The following NUP210L variants were observed in gnomAD, a reference collection of about 807,000 sequenced individuals.
NUP210L encodes nuclear pore membrane glycoprotein 210-like.
In NUP210L, 74 loss-of-function variants were observed where a neutral mutation model predicts 208.5. That is an observed-to-expected ratio of 0.35 (90% CI 0.29 to 0.43). The LOEUF (loss-of-function observed/expected upper bound fraction) is 0.43, where lower values mean the gene tolerates loss of function less well. Among genes scored for constraint, NUP210L ranks in the 20% least tolerant of loss-of-function variants. The pLI, the probability that NUP210L is intolerant of heterozygous loss-of-function variation, is 1.00. For synonymous variants in NUP210L, 780 were observed against 816.9 expected (o/e 0.95, Z 0.77); for missense variants, 1,843 against 2,289.4 (o/e 0.81, Z 3.98).
rs919038709 is a variant in NUP210L, at chr1:154,058,646, A to G, written c.2898T>C (p.Leu966=). Reference sequence around the variant, plus strand: ...TTGCTGGACCCAAGAAAGCCAAACAAAGATCATAGACCTCCAAGGTAAAAA... The same window carrying G: ...TTGCTGGACCCAAGAAAGCCAAACAGAGATCATAGACCTCCAAGGTAAAAA... The change falls in exon 21 of 40, where the codon CTT becomes CTC. Residue 966 remains leucine (L), a synonymous_variant. Transcript: ENST00000368559. The G allele has an allele frequency of 3.7e-6, 6 of 1,613,938 alleles. No individual in the cohort carries two copies. In the Admixed American group the frequency reaches 1.0e-4, roughly 27 times the overall value.
In NUP210L at chr1:154,152,990, T is replaced by C. The variant is rs955151714; in HGVS notation, c.204-118A>G. On this transcript the variant is annotated intron_variant, in intron 1 of 39. Transcript: ENST00000368559. ...ACTACCAGGTATATGTAAATGACAC[T>C]TTTTAAAGAAGGAACATTGCTTAGG... is the stretch of plus-strand genomic sequence containing the variant. 17 of 825,482 alleles carry C rather than the reference T, an allele frequency of 2.1e-5. No individual in the cohort carries two copies. The Middle Eastern group carries it at 3.0e-3, about 147-fold the overall frequency. The allele number at this position is 825,482 out of a possible 1,614,324, so 51.1% of individuals were successfully genotyped here.
chr1:154,126,234 T>C (rs932072922), intron 10 of NUP210L, 89 bp downstream of exon 10: 1 of 1,053,674 alleles, frequency 9.5e-7, no homozygotes, highest in Non-Finnish European at 1.4e-6. Flanking sequence ...ATAAAGGTGG[T>C]ATATGCTATA....
At chr1:154,040,947 T>C (rs114977701) in intron 27 of NUP210L, among the ~76,000 whole-genome samples, 1,576 of 151,786 alleles carry the variant, frequency 0.01, 32 homozygotes, top group African/African-American at 0.036. Flanking sequence ...AGAATGGAAA[T>C]GGTGGAAGCA....
At chr1:154,134,858 C>G (rs1277484338) in intron 7 of NUP210L, among the ~76,000 whole-genome samples, 1 of 151,698 alleles carries the variant, frequency 6.6e-6, no homozygotes, top group African/African-American at 2.4e-5. Flanking sequence ...CTGCCTCAGC[C>G]TCCCGAGTAG....
intron 6 of NUP210L, among the ~76,000 whole-genome samples, chr1:154,136,987 A>G (rs952034640): frequency 3.3e-5 from 5 of 151,012 alleles, no homozygotes; most frequent in African/African-American, 1.2e-4. Flanking sequence ...CTTTCAGTCG[A>G]TGAATTGAGT....
rs182171188 is a variant in NUP210L at position 154,051,357 on chromosome 1, C to T, written c.3483+2871G>A. On this transcript the variant is annotated intron_variant, in intron 25 of 39. Transcript: ENST00000368559. Reference sequence around the variant, plus strand: ...CCCAAGTAGCTGGGACTACAGGCACCCGCTACCACACCCAGCTAATTTTTT... The same window carrying T: ...CCCAAGTAGCTGGGACTACAGGCACTCGCTACCACACCCAGCTAATTTTTT... Among the ~76,000 whole-genome samples the T allele has an allele frequency of 2.8e-3, 421 of 152,078 alleles. 5 individuals carry two copies. The highest frequency in any genetic ancestry group is 9.6e-3 in the African/African-American group (397 of 41,490).
intron 35 of NUP210L, among the ~76,000 whole-genome samples, chr1:154,009,389 A>G (rs1343453150): frequency 6.6e-6 from 1 of 152,110 alleles, no homozygotes; most frequent in African/African-American, 2.4e-5. Flanking sequence ...TGAAAGATAA[A>G]TGAGACACAA....
intron 16 of NUP210L, among the ~76,000 whole-genome samples, chr1:154,071,450 C>T (rs1184884440): frequency 6.6e-6 from 1 of 151,066 alleles, no homozygotes; most frequent in Non-Finnish European, 1.5e-5. Context: ...CCCCCTCCAC[C>T]TTTCCCCCGA....
intron 12 of NUP210L, among the ~76,000 whole-genome samples, chr1:154,108,075 T>A (rs12752900): frequency 6.6e-6 from 1 of 152,034 alleles, no homozygotes; most frequent in South Asian, 2.1e-4. Flanking sequence ...TAACAACTAT[T>A]CAAGACATAG....
At chr1:154,071,628 T>C (rs1654734925) in intron 16 of NUP210L, among the ~76,000 whole-genome samples, 2 of 88,846 alleles carry the variant, frequency 2.3e-5, no homozygotes, top group South Asian at 9.6e-4. Context: ...AATTCATTCC[T>C]TTTTTTTTTT....
chr1:154,013,070 CAA>C (rs745411682), intron 33 of NUP210L, among the ~76,000 whole-genome samples: 13 of 133,828 alleles, frequency 9.7e-5, no homozygotes, highest in Non-Finnish European at 9.7e-5. Flanking sequence ...AGCGAGACTC[CAA>C]AAAAAAAAAA....
rs768466463 is a variant in NUP210L at position 154,061,684 on chromosome 1, T to C, written c.2555-10A>G. On this transcript the variant is annotated splice_polypyrimidine_tract_variant and intron_variant, in intron 17 of 39. Transcript: ENST00000368559. ...TTAAGGATCTGATGACCTGGAAACA[T>C]GCAGAAAAATACCCTGTGAGAAACA... 2 of 1,500,158 alleles carry C rather than the reference T, an allele frequency of 1.3e-6. No individual in the cohort carries two copies. Among genetic ancestry groups the C allele is most frequent in the African/African-American group, 2.8e-5 (2 of 72,254 alleles). The allele number at this position is 1,500,158 out of a possible 1,614,324, so 92.9% of individuals were successfully genotyped here. A position where few individuals can be genotyped will look rare whatever the true frequency, so the allele number is the denominator to read the frequency against.
At chr1:154,125,969 C>T (rs900503812) in intron 10 of NUP210L, among the ~76,000 whole-genome samples, 1 of 150,564 alleles carries the variant, frequency 6.6e-6, no homozygotes, top group Non-Finnish European at 1.5e-5. Context: ...GGGGTTTCAC[C>T]GTTTTAGCCG....
intron 30 of NUP210L, among the ~76,000 whole-genome samples, chr1:154,024,922 G>GTTTTTT (rs71096508): frequency 1.3e-3 from 112 of 83,676 alleles, no homozygotes; most frequent in Non-Finnish European, 1.8e-3. Flanking sequence ...AGGCTGATCT[G>GTTTTTT]TTTTTTTTTT....
intron 7 of NUP210L, among the ~76,000 whole-genome samples, chr1:154,131,654 A>G (rs539158624): frequency 2.0e-5 from 3 of 152,210 alleles, no homozygotes; most frequent in African/African-American, 7.2e-5. Flanking sequence ...TGACAAAGTG[A>G]CCTAAGACCT....
chr1:153,999,310 A>G (rs372357342), intron 37 of NUP210L, among the ~76,000 whole-genome samples: 1 of 152,196 alleles, frequency 6.6e-6, no homozygotes, highest in East Asian at 1.9e-4. Flanking sequence ...ATCCTATCCA[A>G]TGTGGCATTA....
chr1:154,126,059 C>A (rs569155615), intron 10 of NUP210L, among the ~76,000 whole-genome samples: 1 of 151,938 alleles, frequency 6.6e-6, no homozygotes, highest in Non-Finnish European at 1.5e-5. Flanking sequence ...TGAGCCACCG[C>A]GCCCGGCCAA....
Position 154,112,793 on chromosome 1 carries a change from T to C in NUP210L, c.1620+4932A>G, listed in dbSNP as rs553018196. Reference sequence around the variant, plus strand: ...ATTGGATGAGACCAGGAGGCGGAGGTTGCAGTGAGCTGAGGTTGCATCACT... The same window carrying C: ...ATTGGATGAGACCAGGAGGCGGAGGCTGCAGTGAGCTGAGGTTGCATCACT... On this transcript the variant is annotated intron_variant, in intron 12 of 39. Coordinates refer to ENST00000368559, the Ensembl canonical transcript of NUP210L. 4.0e-5 allele frequency among the ~76,000 whole-genome samples: 6 copies of C among 150,626 alleles called. No individual in the cohort carries two copies. The Middle Eastern group carries it at 0.017, about 439-fold the overall frequency.
intron 27 of NUP210L, among the ~76,000 whole-genome samples, chr1:154,040,579 G>A (rs1652816572): frequency 6.6e-6 from 1 of 151,378 alleles, no homozygotes; most frequent in Non-Finnish European, 1.5e-5. Context: ...GCCTCCCTAA[G>A]ATTCTTTCTT....
Sources: gnomAD v4.1 joint callset for allele counts (sites outside exome capture counted in the v4.1 genomes callset) on GRCh38, gnomAD v4.1.1 for gene constraint, MANE v1.5 for transcripts, NCBI Gene and HGNC (gene_info 2026-07-23, HGNC 2026-07-21) for gene names.